Variants in SYNDIG1 observed in about 807,000 individuals in gnomAD.
The protein encoded by SYNDIG1 is synapse differentiation-inducing gene protein 1.
SYNDIG1 carries 9 observed loss-of-function variants against 19.4 expected under a neutral mutation model. That is an observed-to-expected ratio of 0.46 (90% CI 0.28 to 0.81). SYNDIG1 has a LOEUF of 0.81. Among genes scored for constraint, SYNDIG1 ranks in the 30% least tolerant of loss-of-function variants. The pLI, the probability that SYNDIG1 is intolerant of heterozygous loss-of-function variation, is 0.12. For synonymous variants in SYNDIG1, 141 were observed against 145.9 expected (o/e 0.97, Z 0.24); for missense variants, 311 against 343.3 (o/e 0.91, Z 0.74).
intron 3 of SYNDIG1, among the ~76,000 whole-genome samples, chr20:24,603,586 C>A (rs140086632): frequency 6.6e-6 from 1 of 152,308 alleles, no homozygotes; most frequent in Non-Finnish European, 1.5e-5. Context: ...GACATGGACA[C>A]ACGCCTGGGA....
chr20:24,585,194 C>T (rs948989536), intron 3 of SYNDIG1, among the ~76,000 whole-genome samples: 2 of 152,170 alleles, frequency 1.3e-5, no homozygotes, highest in Non-Finnish European at 2.9e-5. Flanking sequence ...GGCTGCCTCA[C>T]CCCAGATGCA....
intron 3 of SYNDIG1, among the ~76,000 whole-genome samples, chr20:24,591,207 A>C (rs2058506036): frequency 6.6e-6 from 1 of 151,934 alleles, no homozygotes; most frequent in Non-Finnish European, 1.5e-5. Flanking sequence ...CAGCCTGTGC[A>C]ACAGACCCCA....
chr20:24,543,047 A>T lies in SYNDIG1; in HGVS notation c.-51A>T. On this transcript the variant is annotated 5_prime_UTR_variant, in exon 2 of 4. An upstream open reading frame in the 5' UTR loses its in-frame stop. Coordinates refer to ENST00000376862, the MANE Select transcript of SYNDIG1 (RefSeq NM_024893.3). ...GAAATGGCTTCCCTGAGGCAAGTGT[A>T]ACCTACATTCCCAGCCCACCAGCCT... The T allele has an allele frequency of 6.3e-7, 1 of 1,579,728 alleles. No individual in the cohort carries two copies. Among genetic ancestry groups the T allele is most frequent in the Non-Finnish European group, 8.6e-7 (1 of 1,159,754 alleles).
At chr20:24,549,283 C>CA (rs2057655834) in intron 2 of SYNDIG1, among the ~76,000 whole-genome samples, 1 of 152,148 alleles carries the variant, frequency 6.6e-6, no homozygotes, top group Admixed American at 6.6e-5. Context: ...AAATTAACTC[C>CA]TTTTAGCTTC....
intron 1 of SYNDIG1, among the ~76,000 whole-genome samples, chr20:24,498,120 C>A (rs1427431580): frequency 6.6e-6 from 1 of 152,196 alleles, no homozygotes; most frequent in Non-Finnish European, 1.5e-5. Flanking sequence ...AGTCAGCTGA[C>A]TTTACTGAAG....
chr20:24,639,517 C>A (rs1293722980), intron 3 of SYNDIG1, among the ~76,000 whole-genome samples: 1 of 152,208 alleles, frequency 6.6e-6, no homozygotes, highest in East Asian at 1.9e-4. Context: ...CCCTTCAGCT[C>A]CCTAGTGTGA....
chr20:24,527,789 G>A (rs2057159382), intron 1 of SYNDIG1, among the ~76,000 whole-genome samples: 1 of 152,154 alleles, frequency 6.6e-6, no homozygotes, highest in Admixed American at 6.5e-5. Flanking sequence ...TCACCTATGA[G>A]CTTCTTAGAA....
intron 2 of SYNDIG1, among the ~76,000 whole-genome samples, chr20:24,570,247 A>T (rs1226581293): frequency 6.6e-6 from 1 of 152,248 alleles, no homozygotes; most frequent in African/African-American, 2.4e-5. Context: ...TAAGGTGAAG[A>T]GTTCTTAGCT....
intron 1 of SYNDIG1, among the ~76,000 whole-genome samples, chr20:24,504,362 G>A (rs1054657767): frequency 8.5e-5 from 13 of 152,160 alleles, no homozygotes; most frequent in Non-Finnish European, 1.6e-4. Context: ...GAGCAATGAA[G>A]TCGCACATAA....
chr20:24,590,355 A>T (rs2058488909), intron 3 of SYNDIG1, among the ~76,000 whole-genome samples: 1 of 152,068 alleles, frequency 6.6e-6, no homozygotes, highest in Non-Finnish European at 1.5e-5. Context: ...CAACAGGGGC[A>T]GACCCCGAGA....
intron 2 of SYNDIG1, among the ~76,000 whole-genome samples, chr20:24,567,245 G>A (rs1873968516): frequency 6.6e-6 from 1 of 152,180 alleles, no homozygotes; most frequent in African/African-American, 2.4e-5. Flanking sequence ...CCCCCTGGCA[G>A]TTCAAATCCC....
chr20:24,626,709 G>T (rs533040241), intron 3 of SYNDIG1, among the ~76,000 whole-genome samples: 4 of 152,256 alleles, frequency 2.6e-5, no homozygotes, highest in Non-Finnish European at 2.9e-5. Flanking sequence ...CGGCACTTTG[G>T]GGGGCCAAGG....
intron 2 of SYNDIG1, among the ~76,000 whole-genome samples, chr20:24,548,067 C>G (rs956302859): frequency 3.9e-5 from 6 of 152,134 alleles, no homozygotes; most frequent in African/African-American, 1.2e-4. Context: ...TTCTGCCACG[C>G]CCTCCAAGTG....
intron 1 of SYNDIG1, among the ~76,000 whole-genome samples, chr20:24,506,565 C>T (rs982792376): frequency 6.6e-6 from 1 of 152,130 alleles, no homozygotes; most frequent in Admixed American, 6.5e-5. Flanking sequence ...TCTTGAAGTC[C>T]TATTAAGGTC....
chr20:24,503,866 C>T (rs984607057), intron 1 of SYNDIG1, among the ~76,000 whole-genome samples: 1 of 152,038 alleles, frequency 6.6e-6, no homozygotes, highest in African/African-American at 2.4e-5. Flanking sequence ...AGGGTGCGTA[C>T]TCGGGCATGA....
chr20:24,637,932 T>G (rs2059332204), intron 3 of SYNDIG1, among the ~76,000 whole-genome samples: 1 of 152,226 alleles, frequency 6.6e-6, no homozygotes, highest in Non-Finnish European at 1.5e-5. Context: ...TAGAAGCATC[T>G]TAGAAACTGC....
At chr20:24,577,459 C>T (rs1568655994) in intron 2 of SYNDIG1, among the ~76,000 whole-genome samples, 1 of 152,242 alleles carries the variant, frequency 6.6e-6, no homozygotes, top group Non-Finnish European at 1.5e-5. Context: ...GTCTCCATGG[C>T]TCACATCTCA....
At chr20:24,498,693 G>T (rs868389442) in intron 1 of SYNDIG1, among the ~76,000 whole-genome samples, 1 of 152,204 alleles carries the variant, frequency 6.6e-6, no homozygotes, top group African/African-American at 2.4e-5. Flanking sequence ...GTGTGTAGCT[G>T]TGTTCACTTA....
intron 3 of SYNDIG1, among the ~76,000 whole-genome samples, chr20:24,657,878 C>T (rs6106922): frequency 0.034 from 5,160 of 152,208 alleles, 227 homozygotes; most frequent in African/African-American, 0.1. Context: ...AGACAGGTAT[C>T]GGTACTGGAA....
Sources: gnomAD v4.1 joint callset for allele counts (sites outside exome capture counted in the v4.1 genomes callset) on GRCh38, gnomAD v4.1.1 for gene constraint, MANE v1.5 for transcripts, NCBI Gene and HGNC (gene_info 2026-07-23, HGNC 2026-07-21) for gene names.